The following RPUSD3 variants were observed in gnomAD, a reference collection of about 807,000 sequenced individuals.
RPUSD3 encodes RNA pseudouridine synthase D3, also known as mitochondrial mRNA pseudouridine synthase RPUSD3.
In RPUSD3, 36 loss-of-function variants were observed where a neutral mutation model predicts 35.1. The ratio of observed to expected loss-of-function variants is 1.02; its 90% CI spans 0.79 to 1.35. The LOEUF is 1.35. RPUSD3 is among the 40% of genes most tolerant of loss of function. The pLI is 0.00. For missense variants in RPUSD3, 486 were observed against 441.9 expected (o/e 1.10, Z -0.89); for synonymous variants, 202 against 187.8 (o/e 1.08, Z -0.62).
At chr3:9,840,467 CT>C in intron 6 of RPUSD3, 64 bp downstream of exon 6, 2 of 1,595,162 alleles carry the variant, frequency 1.3e-6, no homozygotes, top group South Asian at 1.1e-5. Context: ...ATCCATACCC[CT>C]GACTCCTCTC....
intron 8 of RPUSD3, among the ~76,000 whole-genome samples, chr3:9,838,513 G>A (rs1433713728): frequency 6.6e-6 from 1 of 152,142 alleles, no homozygotes; most frequent in African/African-American, 2.4e-5. Context: ...GTGGCAGTAT[G>A]TATGCCACTT....
rs752443631 is a variant in RPUSD3 at position 9,843,457 on chromosome 3, C to A, written c.262+8G>T. The stretch of plus-strand genomic sequence containing the variant: ...GGTCCTTGTGCGGCCGTGCCTCTCA[C>A]CCCTCACCTTTCCGGTCCACCACGG... On this transcript the variant is annotated splice_region_variant and intron_variant, in intron 2 of 8. Transcript: ENST00000383820. 4.3e-6 allele frequency: 7 copies of A among 1,613,726 alleles called. No homozygotes were observed. The highest frequency in any genetic ancestry group is 3.4e-6 in the Non-Finnish European group (4 of 1,179,896).
Position 9,840,312 on chromosome 3 carries a change from G to A in RPUSD3, c.601-5C>T. On this transcript the variant is annotated splice_polypyrimidine_tract_variant and splice_region_variant and intron_variant, in intron 6 of 8. Transcript: ENST00000383820. ...TGGGGCCTTCACTGGAACTGTCTGT[G>A]GTGCCAGCCAAGAGTGAACAAGCCT... The A allele has an allele frequency of 6.2e-7, 1 of 1,614,150 alleles. No individual in the cohort carries two copies. Among genetic ancestry groups the A allele is most frequent in the Non-Finnish European group, 8.5e-7 (1 of 1,180,018 alleles).
chr3:9,838,682 ACTCTGGTAGT>A (rs1324852210), intron 8 of RPUSD3, among the ~76,000 whole-genome samples: 2 of 152,010 alleles, frequency 1.3e-5, no homozygotes, highest in Non-Finnish European at 2.9e-5. Flanking sequence ...TTGTGTGAAG[ACTCTGGTAGT>A]CTGGGCTTAG....
intron 2 of RPUSD3, chr3:9,843,207 T>C (rs1355546307): frequency 1.3e-5 from 7 of 545,246 alleles, no homozygotes; most frequent in African/African-American, 7.5e-5. Context: ...TAATCTAGTA[T>C]AGCAACTCCC....
exon 8 of RPUSD3, chr3:9,839,144 A>G (rs748287237): frequency 3.1e-6 from 5 of 1,613,310 alleles, no homozygotes; most frequent in Non-Finnish European, 3.4e-6. Context: ...CTGTAGTACC[A>G]TGTGCACCTG....
rs759879587 is a variant in RPUSD3 at position 9,839,184 on chromosome 3, A to G, written c.725-13T>C. On this transcript the variant is annotated splice_polypyrimidine_tract_variant and intron_variant, in intron 7 of 8. Coordinates refer to ENST00000383820, the Ensembl canonical transcript of RPUSD3. The stretch of plus-strand genomic sequence containing the variant: ...TGACTGGAGAACACTGGGCAACAGG[A>G]AAGCCAGGAGAGACAGTGGGCAGCT... The G allele has an allele frequency of 6.2e-7, 1 of 1,601,882 alleles. No homozygotes were observed. Among genetic ancestry groups the G allele is most frequent in the South Asian group, 1.1e-5 (1 of 90,592 alleles).
chr3:9,839,225 C>T, intron 7 of RPUSD3, 54 bp from the exon 8 acceptor site: 2 of 1,566,988 alleles, frequency 1.3e-6, no homozygotes, highest in Non-Finnish European at 1.7e-6. Context: ...TTCTGTGCCA[C>T]CCAGTATCAC....
exon 5 of RPUSD3, chr3:9,840,784 G>A (rs771999872): frequency 1.2e-6 from 2 of 1,614,010 alleles, no homozygotes; most frequent in East Asian, 2.2e-5. Context: ...AGCTGGAGAG[G>A]AGTACAAGCC....
Position 9,842,231 on chromosome 3 carries a change from G to A in RPUSD3, c.275C>T (p.Thr92Met), listed in dbSNP as rs749852634. 12 of 1,613,954 alleles carry A rather than the reference G, an allele frequency of 7.4e-6. No homozygotes were observed. The highest frequency in any genetic ancestry group is 1.0e-5 in the Non-Finnish European group (12 of 1,180,022). Residue 92 changes from threonine (T) to methionine (M), a missense_variant, in exon 3 of 9, where the codon ACG becomes ATG. Physicochemically the swap from Thr to Met is moderately conservative, Grantham distance 81. Coordinates refer to ENST00000383820, the Ensembl canonical transcript of RPUSD3. ...TGGTAGACCCTGTGGCTTGTTCAAC[G>A]TCACTAGAGGTCCTGAAACATACAT...
At chr3:9,840,507 C>G in intron 6 of RPUSD3, 25 bp downstream of exon 6, 1 of 1,612,476 alleles carries the variant, frequency 6.2e-7, no homozygotes, top group Non-Finnish European at 8.5e-7. Context: ...AGAAGCACCC[C>G]TCCTCTTCCC....
Position 9,839,179 on chromosome 3 carries a change from ACAGGAAAGC to A in RPUSD3, c.725-17_725-9del. ...GTAGTTGACTGGAGAACACTGGGCA[ACAGGAAAGC>A]CAGGAGAGACAGTGGGCAGCTACTC... On this transcript the variant is annotated splice_polypyrimidine_tract_variant and intron_variant, in intron 7 of 8. Transcript: ENST00000383820. The A allele has an allele frequency of 6.2e-7, 1 of 1,603,408 alleles. No individual in the cohort carries two copies. Among genetic ancestry groups the A allele is most frequent in the Non-Finnish European group, 8.5e-7 (1 of 1,171,408 alleles).
intron 8 of RPUSD3, 43 bp from the exon 9 acceptor site, chr3:9,838,250 A>T: frequency 6.2e-7 from 1 of 1,601,686 alleles, no homozygotes; most frequent in Non-Finnish European, 8.5e-7. Context: ...CACATTTTCC[A>T]AGCAGCTGAG....
chr3:9,840,660 C>T (rs2082089816), intron 5 of RPUSD3, 38 bp downstream of exon 5: 1 of 1,611,618 alleles, frequency 6.2e-7, no homozygotes, highest in Non-Finnish European at 8.5e-7. Flanking sequence ...CTTGCTGGGA[C>T]CTCCCCACCA....
At position 9,839,019 on chromosome 3, in the gene RPUSD3, TGGGCTGGAGTACCTGTCTTTG is replaced by T; in HGVS notation, c.856_864+12del. 1 of 1,613,976 alleles carries T rather than the reference TGGGCTGGAGTACCTGTCTTTG, an allele frequency of 6.2e-7. No homozygotes were observed. Among genetic ancestry groups the T allele is most frequent in the Non-Finnish European group, 8.5e-7 (1 of 1,179,916 alleles). On this transcript the variant is annotated splice_donor_variant and splice_donor_5th_base_variant and coding_sequence_variant and intron_variant, in exon 8 of 9. Coordinates refer to ENST00000383820, the Ensembl canonical transcript of RPUSD3. LOFTEE classifies it high-confidence loss of function. ...CACCCCTCAGAAAGCAGCAGGCAGG[TGGGCTGGAGTACCTGTCTTTG>T]GGGCTTGTTGTTCTCAGCTGGCAGC...
At chr3:9,842,224 G>A in exon 3 of RPUSD3, 1 of 1,614,022 alleles carries the variant, frequency 6.2e-7, no homozygotes. Context: ...CCTGTGGCTT[G>A]TTCAACGTCA....
In RPUSD3 at chr3:9,840,614, G is replaced by A. The variant is rs1221374175; in HGVS notation, c.518C>T (p.Ala173Val). Residue 173 changes from alanine (A) to valine (V), a missense_variant and splice_region_variant, in exon 6 of 9, where the codon GCT (alanine) becomes GTT (valine). Physicochemically the swap from Ala to Val is moderately conservative, Grantham distance 64. Transcript: ENST00000383820. ...AGCAGCTGGGATCCCATCAGTGACAGCACTGAGAAAGGGGCAGGAGGAGGT... is the reference window on the plus strand; with the variant it reads ...AGCAGCTGGGATCCCATCAGTGACAACACTGAGAAAGGGGCAGGAGGAGGT... 1 of 1,613,630 alleles carries A rather than the reference G, an allele frequency of 6.2e-7. No individual in the cohort carries two copies. The highest frequency in any genetic ancestry group is 8.5e-7 in the Non-Finnish European group (1 of 1,179,728).
In RPUSD3 at chr3:9,837,913, C is replaced by T. The variant is rs28461387; in HGVS notation, c.*103G>A. 10,384 of 1,281,732 alleles carry T rather than the reference C, an allele frequency of 8.1e-3. 278 individuals are homozygous for T. In the African/African-American group the frequency reaches 0.087, roughly 11 times the overall value. The allele number at this position is 1,281,732 out of a possible 1,614,324, so 79.4% of individuals were successfully genotyped here. A position where few individuals can be genotyped will look rare whatever the true frequency, so the allele number is the denominator to read the frequency against. ...AAGTTACTTGCCCAATGCCACACAG[C>T]AAGCAAGTGGCCTGTCCAGGATGTG... is the stretch of plus-strand genomic sequence containing the variant. On this transcript the variant is annotated 3_prime_UTR_variant, in exon 9 of 9. Coordinates refer to ENST00000383820, the Ensembl canonical transcript of RPUSD3.
chr3:9,837,985 G>A (rs2082045180), exon 9 of RPUSD3: 9 of 1,524,634 alleles, frequency 5.9e-6, no homozygotes, highest in Non-Finnish European at 8.0e-6. Context: ...ACTTTCCAGT[G>A]TGTGTGAGGG....
Sources: allele counts gnomAD v4.1 joint callset (sites outside exome capture counted in the v4.1 genomes callset), GRCh38; gene constraint gnomAD v4.1.1; transcripts MANE v1.5; gene names NCBI Gene and HGNC (gene_info 2026-07-23, HGNC 2026-07-21).